The following KLF12 variants were observed in gnomAD, a reference collection of about 807,000 sequenced individuals.
The protein encoded by KLF12 is Krueppel-like factor 12.
Under a neutral mutation model 37.8 loss-of-function variants are expected in KLF12, and 9 were observed. That is an observed-to-expected ratio of 0.24 (90% CI 0.14 to 0.42). The LOEUF (loss-of-function observed/expected upper bound fraction) is 0.42, where lower values mean the gene tolerates loss of function less well. Among genes scored for constraint, KLF12 ranks in the 10% least tolerant of loss-of-function variants. KLF12 has a pLI of 1.00. For synonymous variants in KLF12, 208 were observed against 202.1 expected, an observed-to-expected ratio of 1.03 and a Z score of -0.25; for missense variants, 411 against 516.0, an observed-to-expected ratio of 0.80 and a Z score of 1.97.
At chr13:73,850,557 C>T (rs1885282001) in intron 3 of KLF12, among the ~76,000 whole-genome samples, 1 of 152,074 alleles carries the variant, frequency 6.6e-6, no homozygotes, top group Non-Finnish European at 1.5e-5. Context: ...AAAATATGTC[C>T]GGATACTACT....
intron 5 of KLF12, among the ~76,000 whole-genome samples, chr13:73,795,168 T>C (rs1271170085): frequency 3.9e-5 from 6 of 152,248 alleles, no homozygotes; most frequent in Non-Finnish European, 8.8e-5. Context: ...ATGATAAAGA[T>C]GGCTCTGCCT....
chr13:74,115,763 AGTTG>A (rs1877263325), intron 1 of KLF12, among the ~76,000 whole-genome samples: 2 of 151,248 alleles, frequency 1.3e-5, no homozygotes, highest in Admixed American at 6.6e-5. Flanking sequence ...TGCTGGCACT[AGTTG>A]GTATTCCTTG....
intron 2 of KLF12, among the ~76,000 whole-genome samples, chr13:73,994,658 A>G (rs1450319669): frequency 6.6e-6 from 1 of 152,222 alleles, no homozygotes; most frequent in African/African-American, 2.4e-5. Flanking sequence ...TATTAAAAAA[A>G]ATCTGGCTTC....
intron 3 of KLF12, among the ~76,000 whole-genome samples, chr13:73,886,174 T>G (rs562644230): frequency 6.6e-6 from 1 of 152,280 alleles, no homozygotes; most frequent in African/African-American, 2.4e-5. Context: ...GGTCTGAAAT[T>G]CTAGCCTTCA....
chr13:74,051,726 T>G (rs1032308942), intron 1 of KLF12, among the ~76,000 whole-genome samples: 8 of 151,814 alleles, frequency 5.3e-5, no homozygotes, highest in Non-Finnish European at 1.0e-4. Flanking sequence ...AGAAGTAGGA[T>G]CAAGTAAAAA....
At chr13:74,100,545 G>A (rs1593899803) in intron 1 of KLF12, among the ~76,000 whole-genome samples, 1 of 152,108 alleles carries the variant, frequency 6.6e-6, no homozygotes, top group African/African-American at 2.4e-5. Flanking sequence ...TTGAACCCAG[G>A]AGACAGAGTT....
chr13:73,970,014 G>A (rs1265659603), intron 2 of KLF12, among the ~76,000 whole-genome samples: 1 of 152,112 alleles, frequency 6.6e-6, no homozygotes, highest in African/African-American at 2.4e-5. Context: ...TTCAACAAAT[G>A]CTTGTTGTTT....
chr13:74,152,368 G>A, the KLF12 span, among the ~76,000 whole-genome samples: 3 of 152,078 alleles, frequency 2.0e-5, no homozygotes, highest in African/African-American at 7.2e-5. Context: ...AGTTTTTCTA[G>A]AGTACTCCCC....
intron 3 of KLF12, among the ~76,000 whole-genome samples, chr13:73,895,479 T>G (rs1357654242): frequency 6.6e-6 from 1 of 152,248 alleles, no homozygotes; most frequent in Admixed American, 6.5e-5. Flanking sequence ...TGAAATTATA[T>G]TTAAGACCTG....
At chr13:73,925,925 C>T (rs1273757007) in intron 3 of KLF12, among the ~76,000 whole-genome samples, 1 of 152,152 alleles carries the variant, frequency 6.6e-6, no homozygotes, top group African/African-American at 2.4e-5. Context: ...AGAAGTAAAG[C>T]TTGAAGACAT....
chr13:73,828,243 G>C (rs982432789), intron 4 of KLF12, among the ~76,000 whole-genome samples: 1 of 151,952 alleles, frequency 6.6e-6, no homozygotes, highest in African/African-American at 2.4e-5. Context: ...TTTTGTTTAG[G>C]GAACTCATGC....
intron 1 of KLF12, among the ~76,000 whole-genome samples, chr13:74,065,943 G>A (rs1873890110): frequency 6.6e-6 from 1 of 151,964 alleles, no homozygotes; most frequent in Admixed American, 6.6e-5. Context: ...GACTCTTCAG[G>A]GTAACTAGCT....
intron 5 of KLF12, among the ~76,000 whole-genome samples, chr13:73,778,687 A>G (rs750400459): frequency 2.0e-5 from 3 of 152,046 alleles, no homozygotes; most frequent in Admixed American, 1.3e-4. Flanking sequence ...TTCACTAGAG[A>G]GCCTCACCAA....
At chr13:73,897,760 C>T (rs1887853039) in intron 3 of KLF12, among the ~76,000 whole-genome samples, 1 of 152,156 alleles carries the variant, frequency 6.6e-6, no homozygotes, top group African/African-American at 2.4e-5. Flanking sequence ...CTATTATCTC[C>T]CAATAACTAT....
intron 1 of KLF12, among the ~76,000 whole-genome samples, chr13:74,008,627 G>A (rs919812875): frequency 6.6e-6 from 1 of 152,228 alleles, no homozygotes; most frequent in African/African-American, 2.4e-5. Context: ...CAATTGGCAA[G>A]TCAGTTAAAC....
At chr13:73,940,305 C>G (rs1890132159) in intron 3 of KLF12, among the ~76,000 whole-genome samples, 1 of 152,148 alleles carries the variant, frequency 6.6e-6, no homozygotes, top group Admixed American at 6.5e-5. Flanking sequence ...CATGCCCTTC[C>G]TAGAGGCTGC....
the KLF12 span, among the ~76,000 whole-genome samples, chr13:74,188,162 G>T: frequency 6.6e-6 from 1 of 152,116 alleles, no homozygotes; most frequent in Non-Finnish European, 1.5e-5. Flanking sequence ...GTGGTGTTTT[G>T]TGTACCTGAT....
At chr13:74,206,605 C>A in the KLF12 span, among the ~76,000 whole-genome samples, 1 of 152,098 alleles carries the variant, frequency 6.6e-6, no homozygotes, top group African/African-American at 2.4e-5. Flanking sequence ...CAGGGATTTG[C>A]GCTGCATTGC....
At chr13:73,712,847 TTATG>T (rs1875508638) in intron 7 of KLF12, among the ~76,000 whole-genome samples, 1 of 152,260 alleles carries the variant, frequency 6.6e-6, no homozygotes, top group Admixed American at 6.5e-5. Flanking sequence ...TGCTTTTTAA[TTATG>T]TACTTTTTTT....
Sources: gnomAD v4.1 joint callset for allele counts (sites outside exome capture counted in the v4.1 genomes callset) on GRCh38, gnomAD v4.1.1 for gene constraint, MANE v1.5 for transcripts, NCBI Gene and HGNC (gene_info 2026-07-23, HGNC 2026-07-21) for gene names.